Variants in TPD52L1 observed in about 807,000 individuals in gnomAD.
TPD52L1 encodes tumor protein D53.
In TPD52L1, 18 loss-of-function variants were observed where a neutral mutation model predicts 28.7. The ratio of observed to expected loss-of-function variants is 0.63; its 90% CI spans 0.43 to 0.93. TPD52L1 has a LOEUF of 0.93. Ranked by LOEUF, TPD52L1 falls within the 40% of genes least tolerant of loss-of-function variation. TPD52L1 has a pLI of 0.00. For missense variants in TPD52L1, 203 were observed against 254.8 expected (o/e 0.80, Z 1.39); for synonymous variants, 75 against 88.8 (o/e 0.84, Z 0.88).
chr6:125,189,291 A>G lies in TPD52L1; in HGVS notation c.20-30787A>G, dbSNP rs541684623. On this transcript the variant is annotated intron_variant, in intron 1 of 6. Transcript: ENST00000534000. ...TAATTCTTCATAATCAGTAGAGATC[A>G]GTTGTACACTATTCTAAATACAGGA... Among the ~76,000 whole-genome samples, 4 of 152,350 alleles carry G rather than the reference A, an allele frequency of 2.6e-5. No individual in the cohort carries two copies. In the East Asian group the frequency reaches 7.7e-4, roughly 29 times the overall value.
intron 6 of TPD52L1, among the ~76,000 whole-genome samples, chr6:125,260,782 G>A (rs966178271): frequency 5.3e-5 from 8 of 150,668 alleles, no homozygotes; most frequent in African/African-American, 2.0e-4. Context: ...CTCCAGCCTG[G>A]GCCACAGAGC....
At chr6:125,256,925 A>G (rs1797640994) in intron 5 of TPD52L1, among the ~76,000 whole-genome samples, 173 bp from the exon 6 acceptor site, 1 of 152,246 alleles carries the variant, frequency 6.6e-6, no homozygotes, top group African/African-American at 2.4e-5. Context: ...TGGTTTCTGA[A>G]CCTAACCTAA....
chr6:125,182,275 G>A (rs1030435735), intron 1 of TPD52L1, among the ~76,000 whole-genome samples: 1 of 152,154 alleles, frequency 6.6e-6, no homozygotes, highest in Admixed American at 6.5e-5. Context: ...TAGAGCCCAG[G>A]GAAAGCATGC....
intron 1 of TPD52L1, among the ~76,000 whole-genome samples, chr6:125,208,183 G>A (rs1299606314): frequency 6.6e-6 from 1 of 152,160 alleles, no homozygotes; most frequent in African/African-American, 2.4e-5. Flanking sequence ...ATACTGCTTG[G>A]TTGCAATTGA....
chr6:125,247,012 AC>A (rs1796958293), intron 3 of TPD52L1, among the ~76,000 whole-genome samples: 1 of 152,100 alleles, frequency 6.6e-6, no homozygotes, highest in African/African-American at 2.4e-5. Flanking sequence ...AAAGAATACC[AC>A]ATTAATAAAG....
chr6:125,259,217 C>A (rs1257217105), intron 6 of TPD52L1, among the ~76,000 whole-genome samples: 1 of 152,152 alleles, frequency 6.6e-6, no homozygotes, highest in Non-Finnish European at 1.5e-5. Context: ...CATTCACATG[C>A]CCTGCTTTCA....
intron 1 of TPD52L1, among the ~76,000 whole-genome samples, chr6:125,195,866 C>T (rs919544862): frequency 6.6e-6 from 1 of 152,180 alleles, no homozygotes; most frequent in African/African-American, 2.4e-5. Flanking sequence ...GTGCCCTGTT[C>T]GCGCTATCAC....
At chr6:125,260,821 G>C (rs1372902643) in intron 6 of TPD52L1, among the ~76,000 whole-genome samples, 2 of 123,822 alleles carry the variant, frequency 1.6e-5, no homozygotes, top group African/African-American at 6.2e-5. Context: ...AAGAAAGAAA[G>C]AAGAAAGGAA....
chr6:125,256,193 C>CA lies in TPD52L1; in HGVS notation c.426-897dup, dbSNP rs1372050262. On this transcript the variant is annotated intron_variant, in intron 5 of 6. Coordinates refer to ENST00000534000, the MANE Select transcript of TPD52L1 (RefSeq NM_003287.4). ...TGAAACCCCATCTCTACTAAAAATT[C>CA]AAAAAAAATAGCTGGATGTGGTGGT... Among the ~76,000 whole-genome samples, 6 of 151,490 alleles carry CA rather than the reference C, an allele frequency of 4.0e-5. No individual in the cohort carries two copies. In the East Asian group the frequency reaches 7.8e-4, roughly 20 times the overall value.
intron 4 of TPD52L1, among the ~76,000 whole-genome samples, chr6:125,250,989 T>C (rs568515363): frequency 1.3e-5 from 2 of 152,342 alleles, no homozygotes; most frequent in African/African-American, 4.8e-5. Context: ...TCAAACTATA[T>C]CTAACATTTG....
chr6:125,250,943 G>A (rs928786748), intron 4 of TPD52L1, among the ~76,000 whole-genome samples: 12 of 152,110 alleles, frequency 7.9e-5, no homozygotes, highest in African/African-American at 2.7e-4. Flanking sequence ...AAATTTCAGA[G>A]CTTTATTTAT....
chr6:125,167,534 C>T (rs1227023478), intron 1 of TPD52L1, among the ~76,000 whole-genome samples: 1 of 152,070 alleles, frequency 6.6e-6, no homozygotes, highest in Admixed American at 6.6e-5. Flanking sequence ...GTAATTTTCA[C>T]GTGACAATTT....
rs1562214556 is a variant in TPD52L1, at chr6:125,172,538, A to ATATATATAT, written c.19+18569_19+18577dup. ...TATATATATATATATATATATATAT[A>ATATATATAT]TATATATATATATAATATATATACT... On this transcript the variant is annotated intron_variant, in intron 1 of 6. Transcript: ENST00000534000. Among the ~76,000 whole-genome samples the ATATATATAT allele has an allele frequency of 1.9e-3, 161 of 85,348 alleles. 4 individuals are homozygous for ATATATATAT. The highest frequency in any genetic ancestry group is 3.0e-3 in the Non-Finnish European group (138 of 46,270). The allele number at this position is 85,348 out of a possible 152,430, so 56.0% of individuals were successfully genotyped here.
chr6:125,261,882 G>A (rs1236507512), intron 6 of TPD52L1: 2 of 152,176 alleles, frequency 1.3e-5, no homozygotes, highest in Non-Finnish European at 2.9e-5. Context: ...CTGTAAGGGT[G>A]TATTAATTCC....
intron 1 of TPD52L1, among the ~76,000 whole-genome samples, chr6:125,219,611 A>G (rs1161657572): frequency 6.6e-6 from 1 of 152,216 alleles, no homozygotes; most frequent in Non-Finnish European, 1.5e-5. Context: ...AAGATGGGCA[A>G]CTTGCCTTTC....
intron 4 of TPD52L1, among the ~76,000 whole-genome samples, chr6:125,248,765 T>C (rs954528787): frequency 1.3e-5 from 2 of 152,220 alleles, no homozygotes; most frequent in African/African-American, 4.8e-5. Flanking sequence ...GATTGCATAT[T>C]TGTATACATC....
intron 1 of TPD52L1, among the ~76,000 whole-genome samples, chr6:125,165,112 T>A (rs1790806416): frequency 1.4e-5 from 1 of 70,258 alleles, no homozygotes; most frequent in African/African-American, 1.3e-4. Flanking sequence ...TAACTGTATA[T>A]ATATAGTTTT....
chr6:125,222,746 A>T (rs1323666586), intron 2 of TPD52L1, among the ~76,000 whole-genome samples: 1 of 152,184 alleles, frequency 6.6e-6, no homozygotes, highest in Non-Finnish European at 1.5e-5. Flanking sequence ...TTCATTACCT[A>T]CATTGTTTTG....
chr6:125,154,014 G>A (rs1324585506), intron 1 of TPD52L1, 44 bp downstream of exon 1: 6 of 1,582,126 alleles, frequency 3.8e-6, no homozygotes, highest in East Asian at 4.6e-5. Flanking sequence ...CCTGGGGCGC[G>A]CATAAAGGCT....
Sources: gnomAD v4.1 joint callset for allele counts (sites outside exome capture counted in the v4.1 genomes callset) on GRCh38, gnomAD v4.1.1 for gene constraint, MANE v1.5 for transcripts, NCBI Gene and HGNC (gene_info 2026-07-23, HGNC 2026-07-21) for gene names.